The following ASPH variants were observed in gnomAD, a reference collection of about 807,000 sequenced individuals.
ASPH encodes the protein aspartate beta-hydroxylase, also known as aspartyl/asparaginyl beta-hydroxylase.
Under a neutral mutation model 118.4 loss-of-function variants are expected in ASPH, and 100 were observed. The observed-to-expected ratio is 0.84, with a 90% CI of 0.72 to 1.00. The LOEUF is 1.00. Among genes scored for constraint, ASPH ranks in the 50% least tolerant of loss-of-function variants. The pLI is 0.00. For synonymous variants in ASPH, 315 were observed against 325.6 expected (o/e 0.97, Z 0.35); for missense variants, 920 against 919.5 (o/e 1.00, Z -0.01).
intron 20 of ASPH, among the ~76,000 whole-genome samples, chr8:61,551,675 T>C (rs1229507666): frequency 6.6e-6 from 1 of 152,224 alleles, no homozygotes; most frequent in Non-Finnish European, 1.5e-5. Flanking sequence ...TGCCCTGGAC[T>C]CTGAAATGTT....
rs1818182174 is a variant in ASPH, at chr8:61,663,886, T to C, written c.323-10226A>G. Reference sequence around the variant, plus strand: ...ACCTAAGAAAAAGGTGTACAATACATTTAGAAATATTTACACTTAAACATA... The same window carrying C: ...ACCTAAGAAAAAGGTGTACAATACACTTAGAAATATTTACACTTAAACATA... On this transcript the variant is annotated intron_variant, in intron 3 of 24. Coordinates refer to ENST00000379454, the MANE Select transcript of ASPH (RefSeq NM_004318.4). The C allele has an allele frequency of 5.3e-6, 5 of 934,754 alleles. No homozygotes were observed. The Admixed American group carries it at 2.5e-4, about 46-fold the overall frequency. The allele number at this position is 934,754 out of a possible 1,614,324, so 57.9% of individuals were successfully genotyped here.
intron 2 of ASPH, 25 bp from the exon 3 acceptor site, chr8:61,681,061 T>C (rs2151621111): frequency 1.9e-6 from 3 of 1,538,822 alleles, no homozygotes; most frequent in Non-Finnish European, 2.6e-6. Context: ...AAATGATGGA[T>C]ATGGGAATAA....
At chr8:61,664,797 CGAAAGA>C (rs1252332075) in intron 3 of ASPH, 2 of 986,272 alleles carry the variant, frequency 2.0e-6, no homozygotes, top group African/African-American at 3.5e-5. Flanking sequence ...GAGGTGTCCA[CGAAAGA>C]GAAAAACAGG....
chr8:61,614,015 T>C (rs982452579), intron 14 of ASPH, among the ~76,000 whole-genome samples: 12 of 152,206 alleles, frequency 7.9e-5, no homozygotes, highest in Non-Finnish European at 1.5e-5. Context: ...TTACTGGCTG[T>C]AATACAGCCA....
chr8:61,584,182 C>T (rs927231104), intron 14 of ASPH, among the ~76,000 whole-genome samples, 153 bp from the exon 15 acceptor site: 1 of 152,098 alleles, frequency 6.6e-6, no homozygotes, highest in African/African-American at 2.4e-5. Context: ...CATTTCCTCC[C>T]CTAGATGGTG....
At position 61,562,809 on chromosome 8, in the gene ASPH, T is replaced by C. The variant is rs756703473; in HGVS notation, c.1372A>G (p.Asn458Asp). 6.2e-7 allele frequency: 1 copy of C among 1,613,054 alleles called. No individual in the cohort carries two copies. Among genetic ancestry groups the C allele is most frequent in the Non-Finnish European group, 8.5e-7 (1 of 1,179,604 alleles). Residue 458 changes from asparagine (N) to aspartate (D), a missense_variant, in exon 18 of 25, where the codon AAT becomes GAT. Transcript: ENST00000379454. ...QLFPNDTSLK[N>D]DLGVGYLLIG... ...AAGAGGTATCCCACGCCAAGGTCAT[T>C]TTTTAAGGAAGTATCATTGGGAAAT...
intron 6 of ASPH, among the ~76,000 whole-genome samples, chr8:61,646,362 ATTGTGTTTTGCT>A (rs1807986692): frequency 6.6e-6 from 1 of 152,184 alleles, no homozygotes; most frequent in Non-Finnish European, 1.5e-5. Context: ...GAAGCTAAGA[ATTGTGTTTTGCT>A]CACTGTAATT....
At chr8:61,628,362 TCTCA>T (rs1161608668) in intron 13 of ASPH, 4 of 284,918 alleles carry the variant, frequency 1.4e-5, no homozygotes, top group Non-Finnish European at 2.6e-5. Context: ...AGAGATGGGG[TCTCA>T]CTATGTTGCC....
intron 16 of ASPH, among the ~76,000 whole-genome samples, chr8:61,568,802 T>C (rs1269461711): frequency 1.3e-5 from 2 of 152,166 alleles, no homozygotes; most frequent in Admixed American, 6.5e-5. Flanking sequence ...AGCACCACAG[T>C]ACTGCAGGTT....
intron 3 of ASPH, among the ~76,000 whole-genome samples, chr8:61,673,982 T>C (rs1823975431): frequency 6.6e-6 from 1 of 152,192 alleles, no homozygotes; most frequent in African/African-American, 2.4e-5. Flanking sequence ...TTCTTGTTTT[T>C]CACTTACAAA....
Position 61,646,235 on chromosome 8 carries a change from T to C in ASPH, c.619+515A>G, listed in dbSNP as rs960204893. ...GACCCACTTAGGAACTATCAAAGGCTGCTTTTACGCTGTGATGGCAGAGTT... is the reference window on the plus strand; with the variant it reads ...GACCCACTTAGGAACTATCAAAGGCCGCTTTTACGCTGTGATGGCAGAGTT... On this transcript the variant is annotated intron_variant, in intron 6 of 24. Coordinates refer to ENST00000379454, the MANE Select transcript of ASPH (RefSeq NM_004318.4). 3.9e-5 allele frequency among the ~76,000 whole-genome samples: 6 copies of C among 152,308 alleles called. No individual in the cohort carries two copies. The South Asian group carries it at 1.2e-3, about 32-fold the overall frequency.
intron 18 of ASPH, among the ~76,000 whole-genome samples, chr8:61,561,772 T>C (rs1830044634): frequency 1.3e-5 from 2 of 152,120 alleles, no homozygotes; most frequent in South Asian, 4.1e-4. Flanking sequence ...AAAGAATTTT[T>C]TAAAATTTAG....
intron 1 of ASPH, among the ~76,000 whole-genome samples, chr8:61,711,287 T>A (rs764967835): frequency 6.6e-6 from 1 of 152,058 alleles, no homozygotes; most frequent in African/African-American, 2.4e-5. Context: ...CAGAAAACAT[T>A]ACACATACGA....
In ASPH at chr8:61,612,199, C is replaced by CA. The variant is rs1221674019; in HGVS notation, c.976+6778dup. Among the ~76,000 whole-genome samples the CA allele has an allele frequency of 5.3e-5, 8 of 151,834 alleles. No individual in the cohort carries two copies. In the South Asian group the frequency reaches 1.5e-3, roughly 28 times the overall value. Reference sequence around the variant, plus strand: ...AATCTTAATAGTGAAATGGAAACTACAAAAAAGAAGCAGTTCGAGATCTAG... The same window carrying CA: ...AATCTTAATAGTGAAATGGAAACTACAAAAAAAGAAGCAGTTCGAGATCTAG... On this transcript the variant is annotated intron_variant, in intron 14 of 24. Transcript: ENST00000379454.
intron 10 of ASPH, among the ~76,000 whole-genome samples, chr8:61,642,566 G>A (rs1805664290): frequency 6.6e-6 from 1 of 152,188 alleles, no homozygotes; most frequent in African/African-American, 2.4e-5. Flanking sequence ...GGTGGCTTAA[G>A]GTTAGAAAGC....
chr8:61,520,153 A>T (rs1306987434), intron 22 of ASPH, among the ~76,000 whole-genome samples: 1 of 152,220 alleles, frequency 6.6e-6, no homozygotes, highest in Non-Finnish European at 1.5e-5. Flanking sequence ...ATATTCTATG[A>T]TTAACTGTCA....
At chr8:61,578,930 C>A in intron 15 of ASPH, 1 of 1,611,372 alleles carries the variant, frequency 6.2e-7, no homozygotes, top group Non-Finnish European at 8.5e-7. Flanking sequence ...AGCTGCAGTC[C>A]CAGATCTCGG....
chr8:61,603,397 CA>C (rs529935362), intron 14 of ASPH, among the ~76,000 whole-genome samples: 69 of 152,134 alleles, frequency 4.5e-4, no homozygotes, highest in African/African-American at 1.6e-3. Flanking sequence ...GAACTTCCTG[CA>C]GAATCTTGTG....
chr8:61,584,014 G>C lies in ASPH; in HGVS notation c.992C>G (p.Pro331Arg). The C allele has an allele frequency of 6.5e-7, 1 of 1,549,444 alleles. No individual in the cohort carries two copies. Among genetic ancestry groups the C allele is most frequent in the South Asian group, 1.2e-5 (1 of 83,356 alleles). Reference sequence around the variant, plus strand: ...CTTATCAAATTTATTTAAAAGTTTAGGCTTCTTTTTCTTAACTGAAAGAAA... The same window carrying C: ...CTTATCAAATTTATTTAAAAGTTTACGCTTCTTTTTCTTAACTGAAAGAAA... ...EQKAKVKKKK[P>R]KLLNKFDKTI... Residue 331 changes from proline (P) to arginine (R), a missense_variant, in exon 15 of 25, where the codon CCT becomes CGT. Pro to Arg is a moderately radical substitution (Grantham distance 103). Transcript: ENST00000379454.
Sources: gnomAD v4.1 joint callset for allele counts (sites outside exome capture counted in the v4.1 genomes callset) on GRCh38, gnomAD v4.1.1 for gene constraint, MANE v1.5 for transcripts, NCBI Gene and HGNC (gene_info 2026-07-23, HGNC 2026-07-21) for gene names.